The following GRM7 variants were observed in gnomAD, a reference collection of about 807,000 sequenced individuals.
GRM7 encodes the protein glutamate metabotropic receptor 7, also known as metabotropic glutamate receptor 7.
A neutral mutation model predicts 84.5 loss-of-function variants in GRM7; 35 were observed. The ratio of observed to expected loss-of-function variants is 0.41; its 90% confidence interval spans 0.32 to 0.55. GRM7 has a LOEUF of 0.55. GRM7 is among the 20% of genes least tolerant of loss of function. The probability of loss-of-function intolerance (pLI) is 0.19; values close to 1 mark genes in which losing one functional copy is unlikely to be tolerated. For missense variants in GRM7, 1,003 were observed against 1,194.6 expected (o/e 0.84, Z 2.36); for synonymous variants, 487 against 455.1 (o/e 1.07, Z -0.89).
chr3:7,554,145 A>C lies in GRM7; in HGVS notation c.1516-24277A>C, dbSNP rs148822457. Among the ~76,000 whole-genome samples, 12 of 152,328 alleles carry C rather than the reference A, an allele frequency of 7.9e-5. No individual in the cohort carries two copies. The East Asian group carries it at 2.3e-3, about 29-fold the overall frequency. On this transcript the variant is annotated intron_variant, in intron 7 of 9. Transcript: ENST00000357716. ...AAACATAATTTGGTCCTGCATTCTAATTCCATAGAAATACCTATCATGGAG... is the reference window on the plus strand; with the variant it reads ...AAACATAATTTGGTCCTGCATTCTACTTCCATAGAAATACCTATCATGGAG...
At chr3:7,112,573 G>A (rs1692896109) in intron 1 of GRM7, among the ~76,000 whole-genome samples, 1 of 152,034 alleles carries the variant, frequency 6.6e-6, no homozygotes, top group Admixed American at 6.6e-5. Flanking sequence ...CTCTGACTTT[G>A]AGAATTATCT....
chr3:7,449,640 T>C (rs1438341993), intron 5 of GRM7, among the ~76,000 whole-genome samples: 1 of 66 alleles, frequency 0.015, no homozygotes, highest in Non-Finnish European at 0.031. Context: ...AAACAGATTT[T>C]AAAATATCCA....
intron 2 of GRM7, among the ~76,000 whole-genome samples, chr3:7,157,239 T>C (rs756328293): frequency 5.1e-4 from 77 of 152,146 alleles, no homozygotes; most frequent in Non-Finnish European, 1.0e-3. Flanking sequence ...TATAGGTATG[T>C]GGGGTAGTTG....
intron 1 of GRM7, among the ~76,000 whole-genome samples, chr3:7,101,638 T>C (rs965491665): frequency 6.6e-6 from 1 of 151,192 alleles, no homozygotes; most frequent in African/African-American, 2.4e-5. Flanking sequence ...ACTTTCCTCC[T>C]TTTATCCCTT....
chr3:7,630,187 G>A (rs1209592457), intron 8 of GRM7, among the ~76,000 whole-genome samples: 1 of 152,096 alleles, frequency 6.6e-6, no homozygotes, highest in Admixed American at 6.5e-5. Context: ...AAATAATTTG[G>A]GCTGGGGATG....
intron 2 of GRM7, among the ~76,000 whole-genome samples, chr3:7,240,415 A>G (rs867088220): frequency 6.6e-6 from 1 of 152,016 alleles, no homozygotes; most frequent in Non-Finnish European, 1.5e-5. Flanking sequence ...GCATAATTTT[A>G]ACCAAATGAC....
intron 2 of GRM7, among the ~76,000 whole-genome samples, chr3:7,181,354 C>G (rs1309502386): frequency 6.6e-6 from 1 of 152,134 alleles, no homozygotes; most frequent in African/African-American, 2.4e-5. Context: ...TAAGGGTTCT[C>G]TTTTCCTCTC....
intron 5 of GRM7, among the ~76,000 whole-genome samples, chr3:7,449,521 TCAA>T (rs1280907181): frequency 1.3e-5 from 2 of 152,082 alleles, no homozygotes; most frequent in Non-Finnish European, 2.9e-5. Context: ...TCTTTAAAAA[TCAA>T]CAAATCTGGC....
intron 7 of GRM7, among the ~76,000 whole-genome samples, chr3:7,546,170 C>G (rs938799014): frequency 2.0e-5 from 3 of 152,070 alleles, no homozygotes; most frequent in Non-Finnish European, 4.4e-5. Flanking sequence ...CTCCCCTATC[C>G]TCTCATATTT....
chr3:7,196,381 C>T lies in GRM7; in HGVS notation c.736+49713C>T, dbSNP rs142722824. 1.7e-3 allele frequency among the ~76,000 whole-genome samples: 253 copies of T among 152,226 alleles called. 2 individuals are homozygous for T. Among genetic ancestry groups the T allele is most frequent in the Non-Finnish European group, 3.2e-3 (219 of 67,998 alleles). The stretch of plus-strand genomic sequence containing the variant: ...AATATTTGGCCACTCATCTGGACAC[C>T]ATGGCTCAGCCAACTTGACACATAC... On this transcript the variant is annotated intron_variant, in intron 2 of 9. Coordinates refer to ENST00000357716, the MANE Select transcript of GRM7 (RefSeq NM_000844.4).
intron 1 of GRM7, among the ~76,000 whole-genome samples, chr3:6,967,001 G>T (rs565028034): frequency 5.9e-5 from 9 of 152,052 alleles, no homozygotes; most frequent in Non-Finnish European, 1.2e-4. Flanking sequence ...AATAATATCA[G>T]GTATGTGACT....
intron 1 of GRM7, among the ~76,000 whole-genome samples, chr3:7,048,392 G>A (rs1696875885): frequency 6.6e-6 from 1 of 151,642 alleles, no homozygotes; most frequent in South Asian, 2.1e-4. Context: ...ATTAGTGTTT[G>A]TAGTGTTCAC....
At chr3:7,298,913 T>C in intron 3 of GRM7, 88 bp downstream of exon 3, 1 of 1,179,068 alleles carries the variant, frequency 8.5e-7, no homozygotes, top group Non-Finnish European at 1.2e-6. Flanking sequence ...CAGGAAAAGA[T>C]AGCATAAGAT....
chr3:7,114,811 T>G, intron 1 of GRM7, among the ~76,000 whole-genome samples: 1 of 152,090 alleles, frequency 6.6e-6, no homozygotes, highest in East Asian at 1.9e-4. Context: ...GTTTTTCCAG[T>G]TTCTAATGAC....
intron 8 of GRM7, among the ~76,000 whole-genome samples, chr3:7,617,659 A>C (rs1697158347): frequency 6.6e-6 from 1 of 151,842 alleles, no homozygotes; most frequent in Admixed American, 6.6e-5. Context: ...TAAATAAATG[A>C]AACAGAAAAC....
intron 9 of GRM7, among the ~76,000 whole-genome samples, chr3:7,686,097 G>C (rs1700573451): frequency 6.6e-6 from 1 of 151,996 alleles, no homozygotes. Flanking sequence ...ATTATGTTTG[G>C]GCTGGTTCCC....
At chr3:7,189,575 G>T (rs1184273347) in intron 2 of GRM7, among the ~76,000 whole-genome samples, 3 of 152,058 alleles carry the variant, frequency 2.0e-5, no homozygotes, top group Non-Finnish European at 4.4e-5. Flanking sequence ...TATTTATGGG[G>T]CTTAGCAACA....
intron 8 of GRM7, among the ~76,000 whole-genome samples, chr3:7,628,863 A>G (rs905513423): frequency 6.6e-6 from 1 of 152,174 alleles, no homozygotes; most frequent in African/African-American, 2.4e-5. Context: ...AACACTGAAC[A>G]ATGACTGCTT....
intron 8 of GRM7, among the ~76,000 whole-genome samples, chr3:7,646,297 T>G (rs1488955023): frequency 6.6e-6 from 1 of 152,176 alleles, no homozygotes; most frequent in Non-Finnish European, 1.5e-5. Flanking sequence ...GTTCAAGCAA[T>G]TATCCTGCCT....
Sources: allele counts gnomAD v4.1 joint callset (sites outside exome capture counted in the v4.1 genomes callset), GRCh38; gene constraint gnomAD v4.1.1; transcripts MANE v1.5; gene names NCBI Gene and HGNC (gene_info 2026-07-23, HGNC 2026-07-21).